Variants in CUL2 observed in about 807,000 individuals in gnomAD.
The protein encoded by CUL2 is cullin 2, also known as cullin-2.
In CUL2, 22 loss-of-function variants were observed where a neutral mutation model predicts 110.2. The ratio of observed to expected loss-of-function variants is 0.20; its 90% CI spans 0.14 to 0.28. The LOEUF (loss-of-function observed/expected upper bound fraction) is 0.28. CUL2 is among the 10% of genes least tolerant of loss of function. CUL2 has a pLI of 1.00. For missense variants in CUL2, 631 were observed against 905.5 expected, an observed-to-expected ratio of 0.70 and a Z score of 3.89; for synonymous variants, 279 against 293.2, an observed-to-expected ratio of 0.95 and a Z score of 0.49.
chr10:35,071,701 C>T (rs2086686960), intron 1 of CUL2, among the ~76,000 whole-genome samples: 2 of 152,196 alleles, frequency 1.3e-5, no homozygotes, highest in South Asian at 4.1e-4. Context: ...AACCATCACA[C>T]CCGGCCAGTT....
intron 5 of CUL2, 63 bp downstream of exon 5, chr10:35,054,371 A>G (rs890341781): frequency 4.6e-6 from 4 of 878,958 alleles, no homozygotes; most frequent in Admixed American, 2.7e-5. Flanking sequence ...ATGATGTGCA[A>G]TCAAATTACC....
At chr10:35,098,725 G>T (rs891494327) in intron 2 of CUL2, among the ~76,000 whole-genome samples, 5 of 151,830 alleles carry the variant, frequency 3.3e-5, no homozygotes, top group African/African-American at 9.7e-5. Context: ...GAGGTCAGGA[G>T]TTCGAGACCA....
intron 1 of CUL2, chr10:35,074,472 C>T (rs2086763398): frequency 3.6e-6 from 2 of 557,512 alleles, no homozygotes; most frequent in Admixed American, 3.1e-5. Flanking sequence ...TTCCACCTAA[C>T]TCCCACTGAT....
At chr10:35,035,727 T>C (rs1257312426) in intron 9 of CUL2, among the ~76,000 whole-genome samples, 2 of 152,200 alleles carry the variant, frequency 1.3e-5, no homozygotes, top group African/African-American at 4.8e-5. Flanking sequence ...TCTCTTGATA[T>C]TGCAATGTTG....
At chr10:35,119,560 T>TTTTA (rs10589195) in intron 1 of CUL2, among the ~76,000 whole-genome samples, 6,453 of 140,688 alleles carry the variant, frequency 0.046, 190 homozygotes, top group African/African-American at 0.064. Flanking sequence ...TTAAAATTAA[T>TTTTA]TTTATTTATT....
At chr10:35,074,390 A>C (rs2086762103) in intron 1 of CUL2, 1 of 641,220 alleles carries the variant, frequency 1.6e-6, no homozygotes, top group Non-Finnish European at 2.8e-6. Flanking sequence ...CCTGATTCAT[A>C]CACTTGCCTT....
rs932280954 is a variant in CUL2 at position 35,032,008 on chromosome 10, A to G, written c.1171-389T>C. On this transcript the variant is annotated intron_variant, in intron 12 of 20. Transcript: ENST00000374749. ...CTTATTGACCAATAAAGCAACTGAT[A>G]TAAGTAATACAAATTTTTAAAAGAA... Among the ~76,000 whole-genome samples, 4 of 152,236 alleles carry G rather than the reference A, an allele frequency of 2.6e-5. No homozygotes were observed. The East Asian group carries it at 7.7e-4, about 29-fold the overall frequency.
At chr10:35,123,733 CAA>C (rs2087705469) in intron 1 of CUL2, among the ~76,000 whole-genome samples, 2 of 152,126 alleles carry the variant, frequency 1.3e-5, no homozygotes. Context: ...GGGAAGAAGA[CAA>C]GACATGTAGT....
chr10:35,104,555 C>T (rs2087429238), intron 1 of CUL2, among the ~76,000 whole-genome samples: 1 of 151,900 alleles, frequency 6.6e-6, no homozygotes. Flanking sequence ...GGTGGAATTG[C>T]TGGGCTTCTT....
At chr10:35,096,591 T>A (rs555270763) in intron 2 of CUL2, among the ~76,000 whole-genome samples, 3 of 152,192 alleles carry the variant, frequency 2.0e-5, no homozygotes, top group African/African-American at 7.2e-5. Flanking sequence ...ACAGACTGGG[T>A]AACAGAGCCA....
At chr10:35,069,748 T>G (rs1173570226) in intron 2 of CUL2, among the ~76,000 whole-genome samples, 1 of 152,164 alleles carries the variant, frequency 6.6e-6, no homozygotes, top group Non-Finnish European at 1.5e-5. Context: ...TACCTCCTGT[T>G]CATTTTCCCT....
intron 1 of CUL2, among the ~76,000 whole-genome samples, chr10:35,106,326 T>G (rs1232476293): frequency 6.6e-6 from 1 of 151,636 alleles, no homozygotes; most frequent in South Asian, 2.1e-4. Flanking sequence ...GTGGGTTTTT[T>G]TTTGTTTGTT....
intron 9 of CUL2, among the ~76,000 whole-genome samples, chr10:35,038,380 G>C (rs867369870): frequency 1.6e-4 from 24 of 151,122 alleles, no homozygotes; most frequent in Middle Eastern, 3.4e-3. Flanking sequence ...AAAAAAATTA[G>C]CCAGGTGTGG....
intron 1 of CUL2, among the ~76,000 whole-genome samples, chr10:35,081,783 C>A (rs1326582338): frequency 6.6e-6 from 1 of 152,072 alleles, no homozygotes; most frequent in East Asian, 1.9e-4. Context: ...GTCCCAGCTA[C>A]TAGGGAGGCT....
At chr10:35,115,126 C>T (rs1010370583) in intron 1 of CUL2, among the ~76,000 whole-genome samples, 4 of 151,868 alleles carry the variant, frequency 2.6e-5, no homozygotes, top group Non-Finnish European at 4.4e-5. Flanking sequence ...GCAGGAGAAT[C>T]ACTTGAACCC....
chr10:35,101,313 A>T (rs948579386), intron 1 of CUL2, among the ~76,000 whole-genome samples: 1 of 152,194 alleles, frequency 6.6e-6, no homozygotes, highest in Non-Finnish European at 1.5e-5. Flanking sequence ...AAACTACAGA[A>T]CCAGTTGCTT....
chr10:35,041,293 T>G (rs1216840509), intron 8 of CUL2, among the ~76,000 whole-genome samples: 1 of 151,954 alleles, frequency 6.6e-6, no homozygotes, highest in Non-Finnish European at 1.5e-5. Flanking sequence ...AATAAAACAA[T>G]GATAACTTGG....
At chr10:35,036,595 C>T (rs1334069347) in intron 9 of CUL2, among the ~76,000 whole-genome samples, 1 of 152,214 alleles carries the variant, frequency 6.6e-6, no homozygotes, top group African/African-American at 2.4e-5. Flanking sequence ...CCTGCTACTT[C>T]ACACTTCTTT....
intron 17 of CUL2, among the ~76,000 whole-genome samples, chr10:35,017,608 C>A (rs2085069339): frequency 6.6e-6 from 1 of 151,462 alleles, no homozygotes; most frequent in African/African-American, 2.4e-5. Flanking sequence ...GTATAAGAAT[C>A]CTTGAACCTG....
Sources: gnomAD v4.1 joint callset for allele counts (sites outside exome capture counted in the v4.1 genomes callset) on GRCh38, gnomAD v4.1.1 for gene constraint, MANE v1.5 for transcripts, NCBI Gene and HGNC (gene_info 2026-07-23, HGNC 2026-07-21) for gene names.